FMNL2: variants seen among roughly 807,000 people sequenced by gnomAD.
The protein encoded by FMNL2 is formin-like protein 2.
In FMNL2, 51 loss-of-function variants were observed where a neutral mutation model predicts 130.2. That is an observed-to-expected ratio of 0.39 (90% CI 0.31 to 0.49). The LOEUF (loss-of-function observed/expected upper bound fraction) is 0.49. Among genes scored for constraint, FMNL2 ranks in the 20% least tolerant of loss-of-function variants. FMNL2 has a pLI of 0.85. For missense variants in FMNL2, 977 were observed against 1,316.2 expected (o/e 0.74, Z 3.99); for synonymous variants, 465 against 467.1 (o/e 1.00, Z 0.06).
At chr2:152,519,776 A>G (rs1692980308) in intron 1 of FMNL2, among the ~76,000 whole-genome samples, 1 of 152,348 alleles carries the variant, frequency 6.6e-6, no homozygotes, top group East Asian at 1.9e-4. Context: ...ACATATGCAA[A>G]GTGTTGAATG....
At chr2:152,482,766 G>A (rs1280221216) in intron 1 of FMNL2, among the ~76,000 whole-genome samples, 2 of 152,198 alleles carry the variant, frequency 1.3e-5, no homozygotes, top group Admixed American at 1.3e-4. Context: ...TTCTGTAAAT[G>A]TTAGCTGCTG....
chr2:152,529,543 G>A (rs1387737111), intron 2 of FMNL2, among the ~76,000 whole-genome samples: 2 of 152,100 alleles, frequency 1.3e-5, no homozygotes, highest in Non-Finnish European at 2.9e-5. Flanking sequence ...TTTCCTTTAA[G>A]ACTCACTCCA....
At chr2:152,373,788 AG>A (rs1684019321) in intron 1 of FMNL2, among the ~76,000 whole-genome samples, 1 of 152,110 alleles carries the variant, frequency 6.6e-6, no homozygotes, top group Non-Finnish European at 1.5e-5. Context: ...TGGATACAGA[AG>A]GCTGACTGTA....
At chr2:152,406,213 A>G (rs1161716009) in intron 1 of FMNL2, among the ~76,000 whole-genome samples, 2 of 152,144 alleles carry the variant, frequency 1.3e-5, no homozygotes, top group East Asian at 1.9e-4. Context: ...TAATTCCAGT[A>G]TTATAGAATA....
rs1687764558 is a variant in FMNL2, at chr2:152,436,371, G to GA, written c.118-85570dup. Among the ~76,000 whole-genome samples the GA allele has an allele frequency of 3.9e-5, 6 of 152,150 alleles. No homozygotes were observed. The South Asian group carries it at 1.2e-3, about 32-fold the overall frequency. On this transcript the variant is annotated intron_variant, in intron 1 of 25. Coordinates refer to ENST00000288670, the MANE Select transcript of FMNL2 (RefSeq NM_052905.4). The stretch of plus-strand genomic sequence containing the variant: ...ACTATGCTGCCCAGGTTGAACTCCT[G>GA]AACTCAAGCAATCCGCTGACCTCAG...
chr2:152,623,337 C>T (rs1439855645), intron 15 of FMNL2, among the ~76,000 whole-genome samples: 1 of 152,174 alleles, frequency 6.6e-6, no homozygotes, highest in Non-Finnish European at 1.5e-5. Context: ...GTTCCTTTGT[C>T]CCATCGAGAA....
At chr2:152,371,470 A>G (rs140197928) in intron 1 of FMNL2, among the ~76,000 whole-genome samples, 3 of 152,010 alleles carry the variant, frequency 2.0e-5, no homozygotes, top group Non-Finnish European at 1.5e-5. Flanking sequence ...GGAGATTGAA[A>G]CCATCCTGGC....
intron 10 of FMNL2, among the ~76,000 whole-genome samples, chr2:152,609,432 A>G (rs1365924681): frequency 6.6e-6 from 1 of 152,222 alleles, no homozygotes; most frequent in East Asian, 1.9e-4. Flanking sequence ...AACCTCTGAA[A>G]CAACATATTC....
chr2:152,521,892 A>C, intron 1 of FMNL2, 51 bp from the exon 2 acceptor site: 1 of 1,445,560 alleles, frequency 6.9e-7, no homozygotes, highest in Non-Finnish European at 9.7e-7. Context: ...ACCAATTTGG[A>C]AGCCTGCTGT....
chr2:152,426,373 C>A (rs1041231490), intron 1 of FMNL2, among the ~76,000 whole-genome samples: 1 of 152,206 alleles, frequency 6.6e-6, no homozygotes, highest in Non-Finnish European at 1.5e-5. Context: ...AAGACAATGG[C>A]CCCTCGGTTG....
chr2:152,611,314 G>C (rs1352789425), intron 10 of FMNL2, among the ~76,000 whole-genome samples, 181 bp from the exon 11 acceptor site: 1 of 152,140 alleles, frequency 6.6e-6, no homozygotes, highest in Admixed American at 6.5e-5. Flanking sequence ...ACTCCAGTCT[G>C]GGCGACAGAG....
chr2:152,413,814 T>G (rs974490906), intron 1 of FMNL2, among the ~76,000 whole-genome samples: 3 of 152,190 alleles, frequency 2.0e-5, no homozygotes, highest in Non-Finnish European at 2.9e-5. Context: ...ACAAATGAGT[T>G]GTGAAAGATA....
At chr2:152,616,572 T>C (rs994728903) in intron 12 of FMNL2, among the ~76,000 whole-genome samples, 1 of 152,154 alleles carries the variant, frequency 6.6e-6, no homozygotes, top group Non-Finnish European at 1.5e-5. Flanking sequence ...CCTCAGGTGA[T>C]CCGCCCACCT....
chr2:152,453,264 A>AGT lies in FMNL2; in HGVS notation c.118-68678_118-68677insTG, dbSNP rs1688752805. On this transcript the variant is annotated intron_variant, in intron 1 of 25. Coordinates refer to ENST00000288670, the MANE Select transcript of FMNL2 (RefSeq NM_052905.4). Reference sequence around the variant, plus strand: ...AAGAAAGAAAATACGGCTGAATGAAAGGTCAGGAGTGGATTCTGGGCCCTG... The same window carrying AGT: ...AAGAAAGAAAATACGGCTGAATGAAAGTGGTCAGGAGTGGATTCTGGGCCCTG... Among the ~76,000 whole-genome samples the AGT allele has an allele frequency of 3.6e-4, 55 of 152,130 alleles. 1 individual carries two copies. The highest frequency in any genetic ancestry group is 3.5e-3 in the Admixed American group (54 of 15,280).
rs557811627 is a variant in FMNL2, at chr2:152,635,678, C to T, written c.2681-749C>T. 3.4e-4 allele frequency among the ~76,000 whole-genome samples: 52 copies of T among 152,330 alleles called. 1 individual carries two copies. The highest frequency in any genetic ancestry group is 2.0e-4 in the Admixed American group (3 of 15,302). On this transcript the variant is annotated intron_variant, in intron 21 of 25. Coordinates refer to ENST00000288670, the MANE Select transcript of FMNL2 (RefSeq NM_052905.4). Reference sequence around the variant, plus strand: ...AAGGGGGCCCAGAGCTGGTACTCAACGTCCTAAAGAAGCTGCTCAGGAGGC... The same window carrying T: ...AAGGGGGCCCAGAGCTGGTACTCAATGTCCTAAAGAAGCTGCTCAGGAGGC...
intron 1 of FMNL2, among the ~76,000 whole-genome samples, chr2:152,366,830 G>A (rs888269322): frequency 3.9e-5 from 6 of 152,080 alleles, no homozygotes; most frequent in Admixed American, 6.5e-5. Context: ...GCCAGGCTTG[G>A]TGGTGTGTAC....
In FMNL2 at chr2:152,618,864, A is replaced by G. The variant is rs1437019416; in HGVS notation, c.1333A>G (p.Asn445Asp). 6.2e-7 allele frequency: 1 copy of G among 1,600,098 alleles called. No individual in the cohort carries two copies. Among genetic ancestry groups the G allele is most frequent in the Non-Finnish European group, 8.5e-7 (1 of 1,174,070 alleles). ...ATTGCAGGAAATCTACAAAGATGCA[A>G]ATACTCAAGTTCACACATTAAGAAA... ...DVVREIYKDANTQVHTLRKMV... is the reference protein window; with the variant it reads ...DVVREIYKDADTQVHTLRKMV... Residue 445 changes from asparagine to aspartate, a missense_variant, in exon 14 of 26, where the codon AAT (asparagine) becomes GAT (aspartate). Around this residue, in one of 4 missense-constraint regions of FMNL2, gnomAD observed 689 missense variants for 995.9 expected, o/e 0.69. Transcript: ENST00000288670.
At chr2:152,374,909 G>T (rs1489997406) in intron 1 of FMNL2, among the ~76,000 whole-genome samples, 6 of 152,168 alleles carry the variant, frequency 3.9e-5, no homozygotes, top group Non-Finnish European at 8.8e-5. Context: ...AATCAGAGAG[G>T]TGTGAGTTCG....
chr2:152,553,308 A>G (rs1383515196), intron 4 of FMNL2, among the ~76,000 whole-genome samples: 2 of 152,222 alleles, frequency 1.3e-5, no homozygotes, highest in Admixed American at 6.5e-5. Context: ...CATCAAGGTT[A>G]TAATCATTTT....
Sources: gnomAD v4.1 joint callset for allele counts (sites outside exome capture counted in the v4.1 genomes callset) on GRCh38, gnomAD v4.1.1 for gene constraint, gnomAD v4.1.1 regional missense constraint, MANE v1.5 for transcripts, NCBI Gene and HGNC (gene_info 2026-07-23, HGNC 2026-07-21) for gene names.